The following OR14L1 variants were observed in gnomAD, a reference collection of about 807,000 sequenced individuals.
The protein encoded by OR14L1 is olfactory receptor family 14 subfamily L member 1.
chr1:247,617,789 A>ATGTGTATGTGTTGTG, the OR14L1 span, among the ~76,000 whole-genome samples: 1 of 149,844 alleles, frequency 6.7e-6, no homozygotes, highest in South Asian at 2.1e-4. Context: ...AAAGTTCTGT[A>ATGTGTATGTGTTGTG]TGTGTGTGTG....
the OR14L1 span, among the ~76,000 whole-genome samples, chr1:247,618,993 G>T: frequency 1.3e-5 from 2 of 152,036 alleles, no homozygotes; most frequent in African/African-American, 4.8e-5. Flanking sequence ...CTATTTGATT[G>T]TTTAAGTTTT....
At chr1:247,622,340 A>G in the OR14L1 span, 4 of 152,074 alleles carry the variant, frequency 2.6e-5, no homozygotes, top group Non-Finnish European at 5.9e-5. Context: ...CTCATATAAG[A>G]TGATAAACTT....
the OR14L1 span, chr1:247,620,286 C>T: frequency 6.6e-6 from 1 of 151,952 alleles, no homozygotes; most frequent in Non-Finnish European, 1.5e-5. Context: ...TAATTACTCT[C>T]TCCTACATGT....
the OR14L1 span, among the ~76,000 whole-genome samples, chr1:247,619,344 C>T: frequency 1.3e-5 from 2 of 152,042 alleles, no homozygotes; most frequent in African/African-American, 4.8e-5. Context: ...TTTGTTAATA[C>T]TATATATTTT....
chr1:247,619,526 A>G, the OR14L1 span: 3 of 152,216 alleles, frequency 2.0e-5, no homozygotes, highest in Non-Finnish European at 2.9e-5. Context: ...TCCATGCTGC[A>G]TATGAGTAAC....
the OR14L1 span, chr1:247,622,336 T>C: frequency 2.0e-5 from 3 of 152,162 alleles, no homozygotes; most frequent in Non-Finnish European, 4.4e-5. Flanking sequence ...TGTTCTCATA[T>C]AAGATGATAA....
the OR14L1 span, among the ~76,000 whole-genome samples, chr1:247,618,600 T>A: frequency 6.6e-6 from 1 of 152,142 alleles, no homozygotes; most frequent in Non-Finnish European, 1.5e-5. Context: ...TGCTCAATAT[T>A]TTTAGGTGTC....
the OR14L1 span, chr1:247,620,679 C>T: frequency 6.6e-6 from 1 of 152,148 alleles, no homozygotes; most frequent in Non-Finnish European, 1.5e-5. Flanking sequence ...GATTGCTGAG[C>T]TCTTTCTTGA....
At chr1:247,620,224 G>A in the OR14L1 span, 1 of 152,104 alleles carries the variant, frequency 6.6e-6, no homozygotes, top group African/African-American at 2.4e-5. Context: ...AATTACCATT[G>A]AGATTGGAGT....
the OR14L1 span, among the ~76,000 whole-genome samples, chr1:247,619,279 A>G: frequency 6.6e-6 from 1 of 152,220 alleles, no homozygotes; most frequent in African/African-American, 2.4e-5. Flanking sequence ...AAATATGTAT[A>G]TTCAGTTGAT....
the OR14L1 span, chr1:247,620,077 A>G: frequency 6.6e-6 from 1 of 152,390 alleles, no homozygotes. Context: ...GATGATGGCC[A>G]TGTCGTGGCT....
chr1:247,618,496 G>A, the OR14L1 span, among the ~76,000 whole-genome samples: 1 of 151,234 alleles, frequency 6.6e-6, no homozygotes, highest in Non-Finnish European at 1.5e-5. Context: ...GTCTGGGAAT[G>A]AGGACTCCCA....
the OR14L1 span, chr1:247,620,081 C>T: frequency 3.3e-5 from 5 of 152,168 alleles, no homozygotes; most frequent in African/African-American, 1.2e-4. Context: ...ATGGCCATGT[C>T]GTGGCTCAGT....
the OR14L1 span, among the ~76,000 whole-genome samples, chr1:247,618,817 A>G: frequency 6.6e-6 from 1 of 152,138 alleles, no homozygotes; most frequent in Non-Finnish European, 1.5e-5. Context: ...ATTCAGTAAA[A>G]TAGTTCTCAA....
chr1:247,618,006 A>G, the OR14L1 span, among the ~76,000 whole-genome samples: 1 of 152,126 alleles, frequency 6.6e-6, no homozygotes, highest in Admixed American at 6.5e-5. Flanking sequence ...GCCCTGGTAA[A>G]CTGTAATCAG....
At chr1:247,621,260 C>T in the OR14L1 span, 104 of 152,208 alleles carry the variant, frequency 6.8e-4, no homozygotes, top group African/African-American at 2.2e-3. Context: ...AGTTATTATG[C>T]ATTATTCCCA....
Sources: allele counts gnomAD v4.1 joint callset (sites outside exome capture counted in the v4.1 genomes callset), GRCh38; gene constraint gnomAD v4.1.1; transcripts MANE v1.5; gene names NCBI Gene and HGNC (gene_info 2026-07-23, HGNC 2026-07-21).